Variants in CYBA observed in about 807,000 individuals in gnomAD.
The protein encoded by CYBA is cytochrome b-245 alpha chain, also known as cytochrome b-245 light chain.
A neutral mutation model predicts 20.8 loss-of-function variants in CYBA; 21 were observed. That is an observed-to-expected ratio of 1.01 (90% CI 0.72 to 1.46). CYBA has a LOEUF of 1.46. CYBA is among the 40% of genes most tolerant of loss of function. The probability of loss-of-function intolerance (pLI) is 0.00; values close to 1 mark genes in which losing one functional copy is unlikely to be tolerated. For synonymous variants in CYBA, 164 were observed against 127.5 expected (o/e 1.29, Z -1.93); for missense variants, 344 against 287.0 (o/e 1.20, Z -1.43).
Position 88,648,057 on chromosome 16 carries a change from C to G in CYBA, c.116G>C (p.Gly39Ala), listed in dbSNP as rs774384826. Residue 39 changes from glycine to alanine, a missense_variant, in exon 2 of 6, where the codon GGT becomes GCT. Transcript: ENST00000261623. ...GGTGGAAGGATACATGGAGTAGGCA[C>G]CAAAGTACCACTGGGTGAAGCGCCC... ...TAGRFTQWYFGAYSIVAGVFV... is the reference protein window; with the variant it reads ...TAGRFTQWYFAAYSIVAGVFV... 7 of 1,612,914 alleles carry G rather than the reference C, an allele frequency of 4.3e-6. No homozygotes were observed. Among genetic ancestry groups the G allele is most frequent in the Non-Finnish European group, 4.2e-6 (5 of 1,179,780 alleles).
rs2142876097 is a variant in CYBA at position 88,647,136 on chromosome 16, C to T, written c.168G>A (p.Arg56=). The T allele has an allele frequency of 6.2e-7, 1 of 1,611,524 alleles. No individual in the cohort carries two copies. The highest frequency in any genetic ancestry group is 2.2e-5 in the East Asian group (1 of 44,822). The part of the protein sequence containing the change: ...GVFVCLLEYP[R]GKRKKGSTME... ...TGGTGGAGCCCTTCTTCCTCTTCCCCCGGGGGTACTCCAGCAGGCACACAA... is the reference window on the plus strand; with the variant it reads ...TGGTGGAGCCCTTCTTCCTCTTCCCTCGGGGGTACTCCAGCAGGCACACAA... The change falls in exon 3 of 6, where the codon CGG becomes CGA. Residue 56 remains arginine (R), a synonymous_variant. Coordinates refer to ENST00000261623, the MANE Select transcript of CYBA (RefSeq NM_000101.4).
intron 5 of CYBA, chr16:88,645,149 G>A (rs1433907120): frequency 1.6e-5 from 11 of 700,988 alleles, no homozygotes; most frequent in South Asian, 5.9e-5. Flanking sequence ...AATTCCTCCC[G>A]AGGTCTCCAG....
At chr16:88,649,080 C>G (rs531452225) in intron 1 of CYBA, among the ~76,000 whole-genome samples, 9 of 151,454 alleles carry the variant, frequency 5.9e-5, no homozygotes, top group East Asian at 3.9e-4. Context: ...TGGGACTATG[C>G]GCGCCTGCCA....
intron 2 of CYBA, 115 bp downstream of exon 2, chr16:88,647,930 G>T: frequency 4.8e-6 from 5 of 1,046,344 alleles, no homozygotes; most frequent in African/African-American, 1.6e-5. Flanking sequence ...AGCCCACCCT[G>T]TGTCCCAGCC....
Position 88,649,767 on chromosome 16 carries a change from G to C in CYBA, c.58+1189C>G, listed in dbSNP as rs369330095. ...GGGAGGCCAGGGCGGGCAGTGCAGG[G>C]CGTCCAGTCTGGCTCTAACTCTTCG... On this transcript the variant is annotated intron_variant, in intron 1 of 5. Coordinates refer to ENST00000261623, the MANE Select transcript of CYBA (RefSeq NM_000101.4). Among the ~76,000 whole-genome samples, 61 of 152,336 alleles carry C rather than the reference G, an allele frequency of 4.0e-4. No homozygotes were observed. The East Asian group carries it at 0.011, about 27-fold the overall frequency.
intron 5 of CYBA, chr16:88,644,889 C>A: frequency 2.0e-6 from 1 of 509,964 alleles, no homozygotes; most frequent in Non-Finnish European, 3.5e-6. Context: ...AGGATTTGAA[C>A]AGGCAACTCA....
chr16:88,645,822 C>G, intron 5 of CYBA: 1 of 557,448 alleles, frequency 1.8e-6, no homozygotes, highest in East Asian at 3.0e-5. Context: ...ACAGCACCTC[C>G]CTGAGCCTCC....
intron 2 of CYBA, 98 bp downstream of exon 2, chr16:88,647,947 C>T (rs1362840006): frequency 9.2e-6 from 11 of 1,189,464 alleles, no homozygotes; most frequent in Admixed American, 5.9e-5. Context: ...AGCCTGGCTG[C>T]GGTGGTGGGG....
intron 2 of CYBA, 55 bp downstream of exon 2, chr16:88,647,989 TC>T (rs1279063828): frequency 1.3e-6 from 2 of 1,524,584 alleles, no homozygotes; most frequent in Non-Finnish European, 1.8e-6. Context: ...GTGAAGTGGC[TC>T]CCCAGCTCTG....
rs762277251 is a variant in CYBA, at chr16:88,643,413, C to G, written c.528G>C (p.Ala176=). 1 of 1,534,092 alleles carries G rather than the reference C, an allele frequency of 6.5e-7. No individual in the cohort carries two copies. Among genetic ancestry groups the G allele is most frequent in the South Asian group, 1.2e-5 (1 of 83,276 alleles). The part of the protein sequence containing the change: ...KPSEEEAAVA[A]GGPPGGPQVN... ...CCTGGGGACCTCCCGGGGGTCCCCC[C>G]GCCGCCACCGCAGCCTCCTCCTCGC... Residue 176 remains alanine (A), a synonymous_variant, in exon 6 of 6, where the codon GCG becomes GCC. Coordinates refer to ENST00000261623, the MANE Select transcript of CYBA (RefSeq NM_000101.4). This position sits in a 1 kb window ranked among gnomAD's most constrained non-coding sequence, Gnocchi z 4.3.
chr16:88,648,530 C>A (rs1379147732), intron 1 of CYBA, among the ~76,000 whole-genome samples: 1 of 152,134 alleles, frequency 6.6e-6, no homozygotes, highest in Non-Finnish European at 1.5e-5. Context: ...CCTCTTAACC[C>A]GTCAGCGGTT....
intron 3 of CYBA, 40 bp downstream of exon 3, chr16:88,647,050 TGCCTGGGCCCC>T (rs1907313088): frequency 1.9e-6 from 3 of 1,539,006 alleles, no homozygotes; most frequent in Non-Finnish European, 2.7e-6. Context: ...CTGTGAGCCC[TGCCTGGGCCCC>T]GCAGCCCCCG....
chr16:88,647,811 C>T (rs1257131587), intron 2 of CYBA: 2 of 604,040 alleles, frequency 3.3e-6, no homozygotes, highest in East Asian at 2.8e-5. Context: ...CTGGTGACAC[C>T]CCCTGCCCAC....
intron 1 of CYBA, among the ~76,000 whole-genome samples, 155 bp from the exon 2 acceptor site, chr16:88,648,269 C>A (rs890775916): frequency 6.6e-6 from 1 of 152,210 alleles, no homozygotes; most frequent in African/African-American, 2.4e-5. Context: ...CCCCAGGAGG[C>A]ACCCCTCTGC....
intron 5 of CYBA, among the ~76,000 whole-genome samples, chr16:88,644,460 G>A (rs1410704591): frequency 6.6e-6 from 1 of 152,212 alleles, no homozygotes; most frequent in Non-Finnish European, 1.5e-5. Flanking sequence ...AAAGCATGAA[G>A]GCATCCCCAG....
intron 4 of CYBA, 182 bp from the exon 5 acceptor site, chr16:88,646,379 C>A: frequency 1.5e-6 from 1 of 657,592 alleles, no homozygotes; most frequent in Non-Finnish European, 2.8e-6. Flanking sequence ...TGGACACTAG[C>A]GGCTCTGGTG....
chr16:88,643,321 G>T lies in CYBA; in HGVS notation c.*32C>A, dbSNP rs763571795. ...TTCGCTGCATTTATTGCAGGTGGGT[G>T]CACCTGGCGGGAGGGCAGGTCCGGG... On this transcript the variant is annotated 3_prime_UTR_variant, in exon 6 of 6. Transcript: ENST00000261623. This position sits in a 1 kb window ranked among gnomAD's most constrained non-coding sequence, Gnocchi z 4.3. 2 of 1,432,642 alleles carry T rather than the reference G, an allele frequency of 1.4e-6. No homozygotes were observed. Among genetic ancestry groups the T allele is most frequent in the East Asian group, 5.4e-5 (2 of 37,366 alleles). 88.7% of individuals were successfully genotyped at this position (1,432,642 alleles called of 1,614,324 possible). A position where few individuals can be genotyped will look rare whatever the true frequency, so the allele number is the denominator to read the frequency against.
At chr16:88,644,971 C>T (rs1907221593) in intron 5 of CYBA, 2 of 597,466 alleles carry the variant, frequency 3.3e-6, no homozygotes, top group Non-Finnish European at 6.0e-6. Context: ...ACGGCCAGCT[C>T]GTGCTGTGAA....
chr16:88,647,586 C>CCACG, intron 2 of CYBA: 1 of 365,424 alleles, frequency 2.7e-6, no homozygotes, highest in South Asian at 2.3e-5. Context: ...CAGGAGGCAG[C>CCACG]CACGGGAGGT....
Sources: gnomAD v4.1 joint callset for allele counts (sites outside exome capture counted in the v4.1 genomes callset) on GRCh38, gnomAD v4.1.1 for gene constraint, Gnocchi (gnomAD v3.1) non-coding constraint, MANE v1.5 for transcripts, NCBI Gene and HGNC (gene_info 2026-07-23, HGNC 2026-07-21) for gene names.